Variants in FANCA observed in about 807,000 individuals in gnomAD.
The protein encoded by FANCA is FA complementation group A.
A neutral mutation model predicts 194.3 loss-of-function variants in FANCA; 236 were observed. The ratio of observed to expected loss-of-function variants is 1.21; its 90% confidence interval spans 1.09 to 1.35. FANCA has a LOEUF of 1.35. Ranked by LOEUF, FANCA falls within the 40% of genes most tolerant of loss-of-function variation. The pLI, the probability that FANCA is intolerant of heterozygous loss-of-function variation, is 0.00. For missense variants in FANCA, 2,628 were observed against 1,813.9 expected (o/e 1.45, Z -8.15); for synonymous variants, 1,014 against 715.8 (o/e 1.42, Z -6.65).
intron 16 of FANCA, 29 bp from the exon 17 acceptor site, chr16:89,782,947 G>C (rs375640733): frequency 1.2e-6 from 2 of 1,613,394 alleles, no homozygotes; most frequent in African/African-American, 2.7e-5. Flanking sequence ...ATGAGAACAA[G>C]AAAACAAAGC....
Position 89,814,569 on chromosome 16 carries a change from A to T in FANCA, c.234T>A (p.Ile78=). 6.2e-7 allele frequency: 1 copy of T among 1,614,006 alleles called. No individual in the cohort carries two copies. The highest frequency in any genetic ancestry group is 1.3e-5 in the African/African-American group (1 of 75,056). The change falls in exon 3 of 43, where the codon ATT becomes ATA. Residue 78 remains isoleucine (I), a synonymous_variant. Transcript: ENST00000389301. ...CATAGGCCTCAGAACTGTCACAGTC[A>T]ATCACTTTGCTGAGAGACAATTTTT... ...LCKKLSLSKV[I]DCDSSEAYAN...
intron 5 of FANCA, 109 bp downstream of exon 5, chr16:89,810,598 A>C: frequency 1.3e-6 from 1 of 797,632 alleles, no homozygotes. Flanking sequence ...GTAATTAATG[A>C]GAAGCTTGGA....
At position 89,805,274 on chromosome 16, in the gene FANCA, A is replaced by T; in HGVS notation, c.709+6T>A. 6.2e-7 allele frequency: 1 copy of T among 1,609,502 alleles called. No homozygotes were observed. The highest frequency in any genetic ancestry group is 8.5e-7 in the Non-Finnish European group (1 of 1,175,998). On this transcript the variant is annotated splice_donor_region_variant and intron_variant, in intron 7 of 42. Transcript: ENST00000389301. ...CCCAAGAACCCGCATCTTGTCATGA[A>T]CGCACCAGAAAGCATGGCCCTGGCG...
chr16:89,798,381 A>G (rs574008076), intron 10 of FANCA: 1 of 1,050,282 alleles, frequency 9.5e-7, no homozygotes, highest in African/African-American at 1.7e-5. Flanking sequence ...TGCTTTATTC[A>G]CTGTTTCAGT....
At chr16:89,744,821 C>T (rs17233616) in intron 36 of FANCA, 138 bp downstream of exon 36, 80 of 802,596 alleles carry the variant, frequency 1.0e-4, no homozygotes, top group Admixed American at 9.4e-4. Flanking sequence ...CACGAGAACT[C>T]GGTTCTTTTC....
intron 14 of FANCA, among the ~76,000 whole-genome samples, chr16:89,789,833 T>C (rs1263399218): frequency 2.0e-5 from 3 of 152,138 alleles, no homozygotes; most frequent in Non-Finnish European, 2.9e-5. Context: ...AAAGCTGATA[T>C]CTCAAATACA....
At chr16:89,807,552 C>G (rs1407957858) in intron 6 of FANCA, among the ~76,000 whole-genome samples, 1 of 151,994 alleles carries the variant, frequency 6.6e-6, no homozygotes, top group Admixed American at 6.6e-5. Flanking sequence ...GAGTTTGACA[C>G]CAGCCTGGCT....
rs755891935 is a variant in FANCA at position 89,792,089 on chromosome 16, C to T, written c.1084-21G>A. ...AAGAGCTGAAATAAAAGCATCCGCT[C>T]CCTTCAATATCCAAGCAAACCAATG... On this transcript the variant is annotated intron_variant, in intron 12 of 42. Coordinates refer to ENST00000389301, the MANE Select transcript of FANCA (RefSeq NM_000135.4). The T allele has an allele frequency of 1.5e-5, 24 of 1,614,014 alleles. No homozygotes were observed. In the South Asian group the frequency reaches 2.4e-4, roughly 16 times the overall value.
At chr16:89,746,505 G>A in intron 35 of FANCA, 79 bp downstream of exon 35, 1 of 1,114,984 alleles carries the variant, frequency 9.0e-7, no homozygotes, top group South Asian at 1.3e-5. Flanking sequence ...ATGGAGACGT[G>A]CTGCAGAGAT....
At chr16:89,792,694 TA>T in intron 11 of FANCA, 147 bp from the exon 12 acceptor site, 1 of 689,620 alleles carries the variant, frequency 1.5e-6, no homozygotes, top group South Asian at 1.5e-5. Flanking sequence ...GACAAAGAGA[TA>T]AAAGACAAGA....
At chr16:89,748,562 ATT>A in intron 33 of FANCA, 95 bp downstream of exon 33, 1 of 968,120 alleles carries the variant, frequency 1.0e-6, no homozygotes, top group South Asian at 1.4e-5. Flanking sequence ...TTCCTCAGTA[ATT>A]CACACGGTCA....
chr16:89,742,445 G>A (rs1036486600), intron 37 of FANCA, among the ~76,000 whole-genome samples: 2 of 152,096 alleles, frequency 1.3e-5, no homozygotes, highest in Non-Finnish European at 2.9e-5. Flanking sequence ...GTGAGACCCT[G>A]TCTCAACTAC....
rs753719658 is a variant in FANCA, at chr16:89,782,914, G to C, written c.1571C>G (p.Ser524Cys). The stretch of plus-strand genomic sequence containing the variant: ...CTCGTAGAGTCCCATGTTTTCTATA[G>C]AAACCTTCAGGGAAGACACAGAATG... ...AKTRLADLKVSIENMGLYEDL... is the reference protein window; with the variant it reads ...AKTRLADLKVCIENMGLYEDL... The change falls in exon 17 of 43, where the codon TCT (serine) becomes TGT (cysteine). Residue 524 changes from serine (S) to cysteine (C), a missense_variant. Ser to Cys is a moderately radical substitution (Grantham distance 112, BLOSUM62 -1). Transcript: ENST00000389301. 19 of 1,614,072 alleles carry C rather than the reference G, an allele frequency of 1.2e-5. No individual in the cohort carries two copies. The highest frequency in any genetic ancestry group is 1.6e-5 in the Non-Finnish European group (19 of 1,179,928).
At position 89,744,597 on chromosome 16, in the gene FANCA, G is replaced by A. The variant is rs1438686386; in HGVS notation, c.3626+362C>T. 17 of 354,976 alleles carry A rather than the reference G, an allele frequency of 4.8e-5. No individual in the cohort carries two copies. The East Asian group carries it at 5.7e-4, about 12-fold the overall frequency. 22.0% of individuals were successfully genotyped at this position (354,976 alleles called of 1,614,324 possible). On this transcript the variant is annotated intron_variant, in intron 36 of 42. Coordinates refer to ENST00000389301, the MANE Select transcript of FANCA (RefSeq NM_000135.4). ...GGGAGCAGGTGCAAAGGAATCACTCGAGCTCCTCACTCAGACGGGAGCCTG... is the reference window on the plus strand; with the variant it reads ...GGGAGCAGGTGCAAAGGAATCACTCAAGCTCCTCACTCAGACGGGAGCCTG...
At chr16:89,739,452 C>G in intron 40 of FANCA, 26 bp downstream of exon 40, 2 of 1,552,150 alleles carry the variant, frequency 1.3e-6, no homozygotes. Flanking sequence ...CTGCCCAGCC[C>G]TGACCAGCCC....
intron 14 of FANCA, among the ~76,000 whole-genome samples, chr16:89,790,100 C>A (rs749282978): frequency 5.9e-4 from 90 of 152,160 alleles, no homozygotes; most frequent in Non-Finnish European, 4.7e-4. Flanking sequence ...TCAGGACTTA[C>A]GTGAAAATTA....
At chr16:89,788,990 C>T (rs973789683) in intron 14 of FANCA, among the ~76,000 whole-genome samples, 1 of 151,896 alleles carries the variant, frequency 6.6e-6, no homozygotes, top group Non-Finnish European at 1.5e-5. Context: ...CCTCTGGAAC[C>T]GAAGAAAAAG....
intron 37 of FANCA, among the ~76,000 whole-genome samples, 166 bp downstream of exon 37, chr16:89,742,632 ACC>A (rs2062162271): frequency 8.0e-6 from 1 of 125,660 alleles, no homozygotes; most frequent in Admixed American, 9.2e-5. Flanking sequence ...ACACAGTGAA[ACC>A]CCGTCTCTAC....
In FANCA at chr16:89,749,792, C is replaced by T; in HGVS notation, c.3177G>A (p.Leu1059=). The T allele has an allele frequency of 6.2e-7, 1 of 1,614,242 alleles. No individual in the cohort carries two copies. The highest frequency in any genetic ancestry group is 2.2e-5 in the East Asian group (1 of 44,892). Residue 1059 remains leucine (L), a synonymous_variant, in exon 32 of 43, where the codon CTG becomes CTA. Transcript: ENST00000389301. ...TGGCAGCCACGCTCCACCCGCTTGT[C>T]AGAGCCTGGAGCCGTCTGCGGAAAA... is the stretch of plus-strand genomic sequence containing the variant. ...FEIFRRRLQA[L]TSGWSVAASL...
Sources: gnomAD v4.1 joint callset for allele counts (sites outside exome capture counted in the v4.1 genomes callset) on GRCh38, gnomAD v4.1.1 for gene constraint, MANE v1.5 for transcripts, NCBI Gene and HGNC (gene_info 2026-07-23, HGNC 2026-07-21) for gene names.